Variants in ANAPC5 observed in about 807,000 individuals in gnomAD.
ANAPC5 encodes anaphase promoting complex subunit 5.
Under a neutral mutation model 91.3 loss-of-function variants are expected in ANAPC5, and 60 were observed. The ratio of observed to expected loss-of-function variants is 0.66; its 90% confidence interval spans 0.53 to 0.81. The LOEUF is 0.81. Among genes scored for constraint, ANAPC5 ranks in the 40% least tolerant of loss-of-function variants. ANAPC5 has a pLI of 0.00. For missense variants in ANAPC5, 690 were observed against 931.5 expected (o/e 0.74, Z 3.37); for synonymous variants, 340 against 364.1 (o/e 0.93, Z 0.75).
intron 16 of ANAPC5, among the ~76,000 whole-genome samples, chr12:121,309,258 G>A (rs1306871945): frequency 6.6e-6 from 1 of 151,064 alleles, no homozygotes; most frequent in Admixed American, 6.6e-5. Context: ...AGATCAGCCT[G>A]ACCAACATGG....
intron 15 of ANAPC5, among the ~76,000 whole-genome samples, chr12:121,310,933 C>CAAAAAAAAAAAAAAAAAAAA (rs35742192): frequency 1.6e-5 from 1 of 61,160 alleles, no homozygotes; most frequent in African/African-American, 5.1e-5. Context: ...GACTCCATCT[C>CAAAAAAAAAAAAAAAAAAAA]AAAAAAAAAA....
chr12:121,312,810 G>A (rs1206458445), intron 15 of ANAPC5, among the ~76,000 whole-genome samples: 7 of 151,568 alleles, frequency 4.6e-5, no homozygotes, highest in Admixed American at 3.9e-4. Context: ...AACCCAGGAG[G>A]CGGAGGTTGC....
chr12:121,328,329 G>C lies in ANAPC5; in HGVS notation c.1291C>G (p.Leu431Val). ...SIAQKTAIWR[L>V]YGRSTMALQQ... is the part of the protein sequence containing the mutation. ...TGGGAGACCTACCTGCGGCCATACA[G>C]CCTCCAGATGGCCGTTTTCTGTGCG... The change falls in exon 10 of 17, where the codon CTG becomes GTG. Residue 431 changes from leucine (L) to valine (V), a missense_variant. By Grantham distance (32) the Leu-to-Val change is conservative. Transcript: ENST00000261819. The C allele has an allele frequency of 1.2e-6, 2 of 1,613,866 alleles. No homozygotes were observed. Among genetic ancestry groups the C allele is most frequent in the Non-Finnish European group, 1.7e-6 (2 of 1,179,998 alleles).
chr12:121,337,175 G>T, intron 6 of ANAPC5, 116 bp downstream of exon 6: 1 of 750,248 alleles, frequency 1.3e-6, no homozygotes, highest in Non-Finnish European at 2.3e-6. Context: ...CCAAGGTCGT[G>T]CCACTGCACT....
rs1338916108 is a variant in ANAPC5, at chr12:121,330,607, C to T, written c.1098G>A (p.Lys366=). 4.3e-6 allele frequency: 7 copies of T among 1,614,112 alleles called. No individual in the cohort carries two copies. The highest frequency in any genetic ancestry group is 5.9e-6 in the Non-Finnish European group (7 of 1,179,994). Residue 366 remains lysine, a synonymous_variant, in exon 9 of 17, where the codon AAG becomes AAA. Transcript: ENST00000261819. ...CCGGTAACCCAAAATGTACTGCCTT[C>T]TTCACAGAATGCTCCAGCAGAACAT... ...DSYVLLEHSV[K]KAVHFGLPYL... is the part of the protein sequence containing the mutation.
At chr12:121,316,386 T>C (rs1260793114) in intron 15 of ANAPC5, among the ~76,000 whole-genome samples, 4 of 151,962 alleles carry the variant, frequency 2.6e-5, no homozygotes, top group Non-Finnish European at 5.9e-5. Context: ...CCTTAAGAAG[T>C]TAAACACAAA....
chr12:121,348,600 G>C (rs1172957764), intron 1 of ANAPC5, among the ~76,000 whole-genome samples: 1 of 152,192 alleles, frequency 6.6e-6, no homozygotes, highest in Admixed American at 6.5e-5. Flanking sequence ...GGCAGGTGGA[G>C]GTTGCAGTGA....
intron 9 of ANAPC5, 153 bp from the exon 10 acceptor site, chr12:121,328,650 A>AAG: frequency 1.5e-6 from 1 of 654,906 alleles, no homozygotes. Flanking sequence ...CTTAACCCTG[A>AAG]GCCATACGAG....
In ANAPC5 at chr12:121,346,992, C is replaced by T. The variant is rs2136819759; in HGVS notation, c.301G>A (p.Ala101Thr). 1 of 1,608,208 alleles carries T rather than the reference C, an allele frequency of 6.2e-7. No homozygotes were observed. The highest frequency in any genetic ancestry group is 1.1e-5 in the South Asian group (1 of 89,762). The stretch of plus-strand genomic sequence containing the variant: ...TCCATATCCTTCAACTCGCCTTCAG[C>T]CATCAGTTTGATTCTGAATGAGAAA... ...NSVQIRIKLM[A>T]EGELKDMEQF... Residue 101 changes from alanine to threonine, a missense_variant, in exon 3 of 17, where the codon GCT (alanine) becomes ACT (threonine). This residue lies in a region of ANAPC5 where 238 missense variants were observed against 264.9 expected (regional missense o/e 0.90). Coordinates refer to ENST00000261819, the MANE Select transcript of ANAPC5 (RefSeq NM_016237.5).
chr12:121,335,483 T>C (rs1555273336), intron 7 of ANAPC5, 50 bp downstream of exon 7: 3 of 1,530,492 alleles, frequency 2.0e-6, no homozygotes, highest in Non-Finnish European at 8.8e-7. Context: ...AGACTTTTTA[T>C]TGTCATCGGT....
intron 5 of ANAPC5, among the ~76,000 whole-genome samples, chr12:121,339,184 G>A (rs1903354419): frequency 6.6e-6 from 1 of 151,024 alleles, no homozygotes. Context: ...CAAGTAGCTG[G>A]GATTACAAGC....
Position 121,309,675 on chromosome 12 carries a change from C to T in ANAPC5, c.2056+26G>A, listed in dbSNP as rs201693033. On this transcript the variant is annotated intron_variant, in intron 16 of 16. Transcript: ENST00000261819. Reference sequence around the variant, plus strand: ...TCAATGCTTTCTGGAATAGCATTGCCTAACAGTCTTCGTACAGCTTCCTAC... The same window carrying T: ...TCAATGCTTTCTGGAATAGCATTGCTTAACAGTCTTCGTACAGCTTCCTAC... 1.8e-5 allele frequency: 29 copies of T among 1,603,504 alleles called. No homozygotes were observed. The East Asian group carries it at 6.3e-4, about 35-fold the overall frequency.
chr12:121,318,034 G>T, intron 15 of ANAPC5: 1 of 342,800 alleles, frequency 2.9e-6, no homozygotes, highest in Non-Finnish European at 5.2e-6. Context: ...TCTCACTGAA[G>T]AGGCGAGTCC....
intron 9 of ANAPC5, among the ~76,000 whole-genome samples, chr12:121,329,834 C>G (rs940451406): frequency 6.6e-6 from 1 of 151,926 alleles, no homozygotes; most frequent in Admixed American, 6.6e-5. Context: ...AGGCTAGTCA[C>G]GAACTCCTGA....
intron 4 of ANAPC5, among the ~76,000 whole-genome samples, chr12:121,344,214 C>A (rs530405928): frequency 6.6e-6 from 1 of 152,218 alleles, no homozygotes; most frequent in African/African-American, 2.4e-5. Flanking sequence ...GCAGGGGAAA[C>A]AGATAAGCAA....
Position 121,345,833 on chromosome 12 carries a change from A to C in ANAPC5, c.590+6T>G. ...AAAAGGATCCCTGTCAGAAAAGCCA[A>C]ATTACCTTACAGATACATCAAGTTC... is the stretch of plus-strand genomic sequence containing the variant. On this transcript the variant is annotated splice_donor_region_variant and intron_variant, in intron 4 of 16. Transcript: ENST00000261819. 1 of 1,609,400 alleles carries C rather than the reference A, an allele frequency of 6.2e-7. No homozygotes were observed. Among genetic ancestry groups the C allele is most frequent in the Non-Finnish European group, 8.5e-7 (1 of 1,178,680 alleles).
chr12:121,347,457 C>T, intron 2 of ANAPC5: 1 of 271,240 alleles, frequency 3.7e-6, no homozygotes. Context: ...AAGCAAAATC[C>T]CATCTCTACT....
intron 16 of ANAPC5, 48 bp downstream of exon 16, chr12:121,309,653 A>T: frequency 6.5e-7 from 1 of 1,549,976 alleles, no homozygotes; most frequent in African/African-American, 1.4e-5. Flanking sequence ...TAAACTTTCA[A>T]TGCTTTCTGG....
intron 15 of ANAPC5, among the ~76,000 whole-genome samples, chr12:121,316,713 A>G (rs1196178222): frequency 7.1e-6 from 1 of 140,462 alleles, no homozygotes; most frequent in Non-Finnish European, 1.5e-5. Flanking sequence ...AGCCTGGGTG[A>G]CAGAGCGAGA....
Sources: allele counts gnomAD v4.1 joint callset (sites outside exome capture counted in the v4.1 genomes callset), GRCh38; gene constraint gnomAD v4.1.1; regional missense constraint gnomAD v4.1.1; transcripts MANE v1.5; gene names NCBI Gene and HGNC (gene_info 2026-07-23, HGNC 2026-07-21).